SEC14L1: variants seen among roughly 807,000 people sequenced by gnomAD.
SEC14L1 encodes SEC14 like lipid binding 1.
SEC14L1 carries 48 observed loss-of-function variants against 85.3 expected under a neutral mutation model. That is an observed-to-expected ratio of 0.56 (90% confidence interval 0.45 to 0.72). The LOEUF is 0.72. SEC14L1 is among the 30% of genes least tolerant of loss of function. The probability of loss-of-function intolerance (pLI) is 0.00; values close to 1 mark genes in which losing one functional copy is unlikely to be tolerated. For missense variants in SEC14L1, 682 were observed against 921.4 expected (o/e 0.74, Z 3.36); for synonymous variants, 391 against 355.5 (o/e 1.10, Z -1.12).
intron 2 of SEC14L1, among the ~76,000 whole-genome samples, 169 bp from the exon 3 acceptor site, chr17:77,143,398 C>T (rs530382873): frequency 1.3e-5 from 2 of 152,270 alleles, no homozygotes; most frequent in South Asian, 2.1e-4. Flanking sequence ...AATTACCTCC[C>T]CCTGCCCTCA....
At position 77,214,189 on chromosome 17, in the gene SEC14L1, G is replaced by T; in HGVS notation, c.*166G>T. Reference sequence around the variant, plus strand: ...GTCGTTTGATCCCAAAACTACCTTGGCAGGTAGTTTTAACTCTGATCCTAA... The same window carrying T: ...GTCGTTTGATCCCAAAACTACCTTGTCAGGTAGTTTTAACTCTGATCCTAA... On this transcript the variant is annotated 3_prime_UTR_variant, in exon 17 of 17. Transcript: ENST00000436233. The T allele has an allele frequency of 7.1e-7, 1 of 1,413,398 alleles. No homozygotes were observed. The highest frequency in any genetic ancestry group is 9.2e-7 in the Non-Finnish European group (1 of 1,087,156). 87.6% of individuals were successfully genotyped at this position (1,413,398 alleles called of 1,614,324 possible).
At chr17:77,191,009 C>T in intron 4 of SEC14L1, 57 bp downstream of exon 4, 1 of 1,598,152 alleles carries the variant, frequency 6.3e-7, no homozygotes, top group Non-Finnish European at 8.5e-7. Context: ...GAGAGGGCGT[C>T]CTGGTGGGAG....
At chr17:77,161,933 TC>T (rs1446378200) in intron 3 of SEC14L1, among the ~76,000 whole-genome samples, 1 of 149,482 alleles carries the variant, frequency 6.7e-6, no homozygotes, top group Non-Finnish European at 1.5e-5. Flanking sequence ...TTCTTCTTCT[TC>T]TTTTTTTTTT....
At chr17:77,142,070 C>G (rs1016933787) in intron 1 of SEC14L1, among the ~76,000 whole-genome samples, 2 of 152,102 alleles carry the variant, frequency 1.3e-5, no homozygotes, top group African/African-American at 2.4e-5. Flanking sequence ...AGGTGGAAGT[C>G]TTTCAAGATC....
intron 2 of SEC14L1, among the ~76,000 whole-genome samples, chr17:77,092,765 A>G (rs978665378): frequency 2.0e-5 from 3 of 151,954 alleles, no homozygotes; most frequent in Non-Finnish European, 4.4e-5. Flanking sequence ...CCTGACCAAC[A>G]TGGAGAAACC....
intron 13 of SEC14L1, among the ~76,000 whole-genome samples, chr17:77,207,695 G>A (rs143133022): frequency 0.015 from 2,310 of 152,156 alleles, 30 homozygotes; most frequent in Non-Finnish European, 0.022. Context: ...CAAGTAATCC[G>A]CCCACCTCGG....
chr17:77,134,598 G>A (rs1313433693), intron 3 of SEC14L1, among the ~76,000 whole-genome samples: 1 of 152,150 alleles, frequency 6.6e-6, no homozygotes, highest in Non-Finnish European at 1.5e-5. Context: ...CAGGTGTGGT[G>A]GCGCATGCCT....
At chr17:77,186,360 T>G (rs1298925633) in intron 3 of SEC14L1, among the ~76,000 whole-genome samples, 1 of 152,246 alleles carries the variant, frequency 6.6e-6, no homozygotes, top group Admixed American at 6.5e-5. Flanking sequence ...TCGCTGGCTG[T>G]GAACAGACCC....
chr17:77,176,249 T>C (rs1974751702), intron 3 of SEC14L1, among the ~76,000 whole-genome samples: 1 of 151,958 alleles, frequency 6.6e-6, no homozygotes. Flanking sequence ...GAGATCATGC[T>C]ATTACACTCC....
At chr17:77,160,389 TCA>T (rs1319808063) in intron 3 of SEC14L1, among the ~76,000 whole-genome samples, 5 of 152,258 alleles carry the variant, frequency 3.3e-5, no homozygotes, top group African/African-American at 1.2e-4. Flanking sequence ...AGATTTGTAC[TCA>T]GTTTGCTCTT....
Position 77,216,836 on chromosome 17 carries a change from G to A in SEC14L1, c.*2813G>A. The stretch of plus-strand genomic sequence containing the variant: ...GAATTCTGGGGCAGCTATGGTTTGA[G>A]TATGCAGTTTGCATCGTGTTTCTAC... On this transcript the variant is annotated 3_prime_UTR_variant, in exon 17 of 17. Transcript: ENST00000436233. The A allele has an allele frequency of 2.0e-6, 1 of 502,082 alleles. No individual in the cohort carries two copies. The highest frequency in any genetic ancestry group is 2.5e-5 in the South Asian group (1 of 39,264). 31.1% of individuals were successfully genotyped at this position (502,082 alleles called of 1,614,324 possible).
At chr17:77,123,539 G>A (rs1972359344) in intron 3 of SEC14L1, among the ~76,000 whole-genome samples, 3 of 150,446 alleles carry the variant, frequency 2.0e-5, no homozygotes, top group Admixed American at 1.3e-4. Flanking sequence ...AGCCTCCTAC[G>A]TAGCTGGGAC....
At chr17:77,126,245 T>G (rs1445393860) in intron 3 of SEC14L1, among the ~76,000 whole-genome samples, 1 of 152,206 alleles carries the variant, frequency 6.6e-6, no homozygotes, top group Non-Finnish European at 1.5e-5. Context: ...AAGTCACTTA[T>G]CCTCTCTGTA....
At chr17:77,204,302 C>T (rs957452174) in intron 10 of SEC14L1, among the ~76,000 whole-genome samples, 2 of 152,134 alleles carry the variant, frequency 1.3e-5, no homozygotes, top group Admixed American at 6.5e-5. Flanking sequence ...ACTGCAACCT[C>T]CACCTCCCAG....
intron 2 of SEC14L1, among the ~76,000 whole-genome samples, chr17:77,091,534 G>A (rs970095003): frequency 6.6e-6 from 1 of 152,216 alleles, no homozygotes; most frequent in Non-Finnish European, 1.5e-5. Context: ...GCTATCCAGA[G>A]CAGCCGCAAG....
intron 2 of SEC14L1, among the ~76,000 whole-genome samples, chr17:77,091,780 G>C (rs1266288015): frequency 6.6e-6 from 1 of 152,028 alleles, no homozygotes; most frequent in Non-Finnish European, 1.5e-5. Context: ...ATTTCTCCTG[G>C]AGGTCTCCAA....
intron 3 of SEC14L1, among the ~76,000 whole-genome samples, chr17:77,105,092 T>C (rs9894310): frequency 2.0e-5 from 3 of 151,862 alleles, no homozygotes; most frequent in African/African-American, 4.8e-5. Context: ...CTGATGAGCC[T>C]TTCCAAAGAA....
intron 2 of SEC14L1, chr17:77,089,410 T>G (rs946384015): frequency 1.9e-6 from 1 of 518,968 alleles, no homozygotes; most frequent in Non-Finnish European, 3.8e-6. Flanking sequence ...CCGGAAGAAG[T>G]CTTTCCTGGG....
At chr17:77,103,355 C>G (rs371466323) in intron 3 of SEC14L1, among the ~76,000 whole-genome samples, 2 of 152,128 alleles carry the variant, frequency 1.3e-5, no homozygotes, top group East Asian at 3.9e-4. Context: ...TCAGGTGATC[C>G]ACCTGCCTCG....
Sources: allele counts gnomAD v4.1 joint callset (sites outside exome capture counted in the v4.1 genomes callset), GRCh38; gene constraint gnomAD v4.1.1; transcripts MANE v1.5; gene names NCBI Gene and HGNC (gene_info 2026-07-23, HGNC 2026-07-21).